Variants in ZNF521 observed in about 807,000 individuals in gnomAD.
ZNF521 encodes zinc finger protein 521.
A neutral mutation model predicts 105.5 loss-of-function variants in ZNF521; 14 were observed. The ratio of observed to expected loss-of-function variants is 0.13; its 90% confidence interval spans 0.09 to 0.21. ZNF521 has a LOEUF of 0.21. ZNF521 is among the 10% of genes least tolerant of loss of function. The pLI is 1.00. For synonymous variants in ZNF521, 635 were observed against 606.0 expected (o/e 1.05, Z -0.70); for missense variants, 1,233 against 1,629.7 (o/e 0.76, Z 4.19).
At chr18:25,198,319 C>T (rs1186621422) in intron 4 of ZNF521, among the ~76,000 whole-genome samples, 1 of 151,560 alleles carries the variant, frequency 6.6e-6, no homozygotes, top group Non-Finnish European at 1.5e-5. Flanking sequence ...TTCAGTTACA[C>T]TCTGGTTAAG....
intron 3 of ZNF521, among the ~76,000 whole-genome samples, chr18:25,313,064 G>A (rs1414552202): frequency 6.6e-6 from 1 of 152,062 alleles, no homozygotes; most frequent in African/African-American, 2.4e-5. Context: ...GCAGGAGAGA[G>A]GATACTCTGA....
chr18:25,244,306 AC>A lies in ZNF521; in HGVS notation c.221-16610del, dbSNP rs1374644285. Among the ~76,000 whole-genome samples the A allele has an allele frequency of 1.4e-3, 216 of 151,672 alleles. 3 individuals are homozygous for A. The highest frequency in any genetic ancestry group is 2.2e-3 in the Admixed American group (34 of 15,242). ...TGCACACACACACACACACACACAC[AC>A]ACACACTCTCACCCTTTATACCACC... On this transcript the variant is annotated intron_variant, in intron 3 of 7. Transcript: ENST00000361524.
At chr18:25,327,496 A>C (rs1600312435) in intron 2 of ZNF521, 1 of 954,804 alleles carries the variant, frequency 1.0e-6, no homozygotes, top group East Asian at 6.1e-5. Flanking sequence ...CCATATCTGA[A>C]AGCACTCCTC....
At chr18:25,310,948 C>T (rs909186542) in intron 3 of ZNF521, among the ~76,000 whole-genome samples, 41 of 152,294 alleles carry the variant, frequency 2.7e-4, no homozygotes, top group Admixed American at 5.2e-4. Flanking sequence ...TTCTACAATT[C>T]ACCCAGGAGA....
chr18:25,210,780 T>C (rs1413568580), intron 4 of ZNF521, among the ~76,000 whole-genome samples: 1 of 152,178 alleles, frequency 6.6e-6, no homozygotes, highest in Non-Finnish European at 1.5e-5. Context: ...TCTGCCCCTC[T>C]CTCCAGCTCT....
At chr18:25,244,264 C>A (rs4131633) in intron 3 of ZNF521, among the ~76,000 whole-genome samples, 3,271 of 150,148 alleles carry the variant, frequency 0.022, 67 homozygotes, top group East Asian at 0.078. Flanking sequence ...TTCTAACACA[C>A]AAGCTGTGTA....
intron 5 of ZNF521, among the ~76,000 whole-genome samples, chr18:25,182,493 T>C (rs1056051791): frequency 1.6e-4 from 24 of 152,206 alleles, no homozygotes; most frequent in African/African-American, 4.8e-4. Context: ...AACACACCTA[T>C]ATGTGACGCC....
intron 5 of ZNF521, among the ~76,000 whole-genome samples, chr18:25,111,899 G>C (rs1053363505): frequency 6.6e-6 from 1 of 152,122 alleles, no homozygotes; most frequent in Non-Finnish European, 1.5e-5. Context: ...GGCCCTCCTC[G>C]GCGTGGCGGA....
At chr18:25,263,589 T>C (rs951314181) in intron 3 of ZNF521, among the ~76,000 whole-genome samples, 3 of 152,090 alleles carry the variant, frequency 2.0e-5, no homozygotes, top group Admixed American at 6.6e-5. Context: ...TGTTTGTTTG[T>C]TTTTGGAACA....
chr18:25,307,458 G>A (rs1912045260), intron 3 of ZNF521, among the ~76,000 whole-genome samples: 1 of 152,156 alleles, frequency 6.6e-6, no homozygotes, highest in South Asian at 2.1e-4. Context: ...ACCCCTAGCT[G>A]GGTGATATCT....
intron 3 of ZNF521, among the ~76,000 whole-genome samples, chr18:25,297,455 G>A (rs1022532375): frequency 3.9e-5 from 6 of 152,030 alleles, no homozygotes; most frequent in African/African-American, 1.2e-4. Context: ...TTAGTCTCAC[G>A]CAGATATTAA....
chr18:25,133,526 T>C (rs2034677785), intron 5 of ZNF521, among the ~76,000 whole-genome samples: 2 of 152,202 alleles, frequency 1.3e-5, no homozygotes. Flanking sequence ...TATCATCTGA[T>C]TATAGACATA....
At chr18:25,322,638 G>A (rs1339614253) in intron 2 of ZNF521, among the ~76,000 whole-genome samples, 10 of 149,840 alleles carry the variant, frequency 6.7e-5, no homozygotes, top group South Asian at 2.1e-4. Flanking sequence ...CAAAAGTCTA[G>A]AATAAGCTAA....
At chr18:25,217,297 C>T (rs1363786076) in intron 4 of ZNF521, among the ~76,000 whole-genome samples, 1 of 152,070 alleles carries the variant, frequency 6.6e-6, no homozygotes, top group Non-Finnish European at 1.5e-5. Context: ...GCAGCCTAGA[C>T]TAAAATTCTG....
chr18:25,064,902 G>A (rs772383109), intron 7 of ZNF521, among the ~76,000 whole-genome samples: 1 of 152,162 alleles, frequency 6.6e-6, no homozygotes, highest in Non-Finnish European at 1.5e-5. Flanking sequence ...CAGCCTCAGA[G>A]TGAATACAGG....
intron 3 of ZNF521, among the ~76,000 whole-genome samples, chr18:25,260,389 T>C (rs1048017122): frequency 2.0e-5 from 3 of 151,812 alleles, no homozygotes; most frequent in African/African-American, 7.3e-5. Context: ...GGTAGCAACA[T>C]AAAATAGGGA....
At chr18:25,235,316 A>C (rs2144771646) in intron 3 of ZNF521, among the ~76,000 whole-genome samples, 1 of 152,376 alleles carries the variant, frequency 6.6e-6, no homozygotes, top group East Asian at 1.9e-4. Context: ...AAAAATACTC[A>C]GTAAATTTCT....
At position 25,102,507 on chromosome 18, in the gene ZNF521, C is replaced by CTATA. The variant is rs71375166; in HGVS notation, c.3659-10430_3659-10427dup. On this transcript the variant is annotated intron_variant, in intron 5 of 7. Transcript: ENST00000361524. ...TTTTTAAAAGATGAGAAAATTGAGACTATATATATATATAGTTTTTATTTT... is the reference window on the plus strand; with the variant it reads ...TTTTTAAAAGATGAGAAAATTGAGACTATATATATATATATATAGTTTTTATTTT... 2.3e-4 allele frequency among the ~76,000 whole-genome samples: 35 copies of CTATA among 150,446 alleles called. No individual in the cohort carries two copies. In the East Asian group the frequency reaches 6.1e-3, roughly 26 times the overall value.
chr18:25,087,262 C>CT (rs1423839653), intron 7 of ZNF521, among the ~76,000 whole-genome samples: 1 of 152,086 alleles, frequency 6.6e-6, no homozygotes, highest in Non-Finnish European at 1.5e-5. Flanking sequence ...AGAGTGAATA[C>CT]TATATGTTCC....
Sources: gnomAD v4.1 joint callset for allele counts (sites outside exome capture counted in the v4.1 genomes callset) on GRCh38, gnomAD v4.1.1 for gene constraint, MANE v1.5 for transcripts, NCBI Gene and HGNC (gene_info 2026-07-23, HGNC 2026-07-21) for gene names.